The following CTNNA3 variants were observed in gnomAD, a reference collection of about 807,000 sequenced individuals.
The protein encoded by CTNNA3 is catenin alpha-3.
Under a neutral mutation model 95.7 loss-of-function variants are expected in CTNNA3, and 76 were observed. The observed-to-expected ratio is 0.79, with a 90% CI of 0.66 to 0.96. The LOEUF (loss-of-function observed/expected upper bound fraction) is 0.96. CTNNA3 is among the 40% of genes least tolerant of loss of function. CTNNA3 has a pLI of 0.00. For missense variants in CTNNA3, 1,191 were observed against 1,089.8 expected, an observed-to-expected ratio of 1.09 and a Z score of -1.31; for synonymous variants, 431 against 374.4, an observed-to-expected ratio of 1.15 and a Z score of -1.74.
chr10:67,335,542 C>T (rs531107014), intron 5 of CTNNA3, among the ~76,000 whole-genome samples: 1 of 152,330 alleles, frequency 6.6e-6, no homozygotes, highest in East Asian at 1.9e-4. Flanking sequence ...ACTACAACCA[C>T]TATCACTCAC....
intron 7 of CTNNA3, among the ~76,000 whole-genome samples, chr10:67,154,333 T>G (rs748587116): frequency 6.6e-5 from 10 of 152,140 alleles, no homozygotes; most frequent in Non-Finnish European, 1.3e-4. Flanking sequence ...ACCAACTCCC[T>G]AAGGACAACG....
At chr10:65,922,645 C>T (rs2077106540) in intron 17 of CTNNA3, among the ~76,000 whole-genome samples, 1 of 152,028 alleles carries the variant, frequency 6.6e-6, no homozygotes, top group Admixed American at 6.6e-5. Context: ...ATTAACCAAA[C>T]TTTTTTTTCT....
chr10:67,009,895 C>T (rs112130280), intron 7 of CTNNA3, among the ~76,000 whole-genome samples: 2,323 of 152,258 alleles, frequency 0.015, 29 homozygotes, highest in Non-Finnish European at 0.024. Context: ...GTCTCTTCTT[C>T]CTTCTTCACT....
chr10:67,184,681 C>T (rs765751636), intron 6 of CTNNA3, among the ~76,000 whole-genome samples: 4 of 152,158 alleles, frequency 2.6e-5, no homozygotes, highest in Non-Finnish European at 5.9e-5. Flanking sequence ...CATCTCATCC[C>T]TTACTAAAAT....
At chr10:66,744,985 A>G (rs747318656) in intron 9 of CTNNA3, among the ~76,000 whole-genome samples, 3 of 152,206 alleles carry the variant, frequency 2.0e-5, no homozygotes, top group Non-Finnish European at 2.9e-5. Context: ...CTACACTAAC[A>G]CAAAAGCTCT....
chr10:66,441,723 C>T (rs986369229), intron 11 of CTNNA3, among the ~76,000 whole-genome samples: 29 of 152,246 alleles, frequency 1.9e-4, no homozygotes, highest in African/African-American at 6.5e-4. Flanking sequence ...AATATAAAAA[C>T]ACTGTGTGCA....
chr10:66,173,085 C>G (rs1236712438), intron 13 of CTNNA3, among the ~76,000 whole-genome samples: 4 of 152,036 alleles, frequency 2.6e-5, no homozygotes, highest in Non-Finnish European at 4.4e-5. Flanking sequence ...TGAGGAGAAG[C>G]AAAGGGAATT....
At chr10:66,608,532 A>G (rs894238862) in intron 10 of CTNNA3, among the ~76,000 whole-genome samples, 3 of 152,174 alleles carry the variant, frequency 2.0e-5, no homozygotes, top group Non-Finnish European at 2.9e-5. Flanking sequence ...GCAACATGCT[A>G]CTAGCTTCAA....
intron 6 of CTNNA3, among the ~76,000 whole-genome samples, chr10:67,217,013 C>T (rs1384448764): frequency 6.6e-6 from 1 of 152,184 alleles, no homozygotes; most frequent in Non-Finnish European, 1.5e-5. Context: ...ATTTTCTCCA[C>T]TCATAAATTT....
At chr10:67,550,658 TAAAG>T (rs1840993227) in intron 3 of CTNNA3, among the ~76,000 whole-genome samples, 1 of 150,468 alleles carries the variant, frequency 6.6e-6, no homozygotes, top group South Asian at 2.1e-4. Flanking sequence ...TATTAAAGAA[TAAAG>T]AAATTTCTTT....
Position 66,711,365 on chromosome 10 carries a change from A to T in CTNNA3, c.1281+54899T>A, listed in dbSNP as rs545938131. Reference sequence around the variant, plus strand: ...GAAATTTTAATTGAAACATTAAAAAACAGCTATATATCATGAAATATATGA... The same window carrying T: ...GAAATTTTAATTGAAACATTAAAAATCAGCTATATATCATGAAATATATGA... On this transcript the variant is annotated intron_variant, in intron 9 of 17. Coordinates refer to ENST00000433211, the MANE Select transcript of CTNNA3 (RefSeq NM_013266.4). 7.2e-5 allele frequency among the ~76,000 whole-genome samples: 11 copies of T among 152,142 alleles called. No individual in the cohort carries two copies. The East Asian group carries it at 2.1e-3, about 29-fold the overall frequency.
chr10:66,794,124 G>A (rs2132213103), intron 7 of CTNNA3, among the ~76,000 whole-genome samples: 1 of 152,160 alleles, frequency 6.6e-6, no homozygotes, highest in South Asian at 2.1e-4. Flanking sequence ...CTAGGGCATG[G>A]TTTAGACAGA....
chr10:66,696,450 A>G (rs1847767213), intron 9 of CTNNA3, among the ~76,000 whole-genome samples: 2 of 152,206 alleles, frequency 1.3e-5, no homozygotes, highest in South Asian at 4.1e-4. Context: ...CTCTTGGTAC[A>G]TAATAATGTA....
chr10:67,018,298 T>C (rs1429654669), intron 7 of CTNNA3, among the ~76,000 whole-genome samples: 1 of 152,204 alleles, frequency 6.6e-6, no homozygotes, highest in Non-Finnish European at 1.5e-5. Context: ...GGTAGTTTAC[T>C]CTTCGCTTTC....
At chr10:67,539,938 A>G (rs1024282638) in intron 3 of CTNNA3, among the ~76,000 whole-genome samples, 28 of 152,272 alleles carry the variant, frequency 1.8e-4, no homozygotes, top group African/African-American at 5.5e-4. Context: ...ATTGCTGCCA[A>G]CTTCTGCATT....
intron 13 of CTNNA3, among the ~76,000 whole-genome samples, chr10:66,215,451 T>C (rs12266451): frequency 6.6e-6 from 1 of 152,208 alleles, no homozygotes; most frequent in East Asian, 1.9e-4. Context: ...TACCCACTTC[T>C]GGTATCACTG....
chr10:66,055,900 C>T lies in CTNNA3; in HGVS notation c.2159+13408G>A, dbSNP rs371192035. ...TCACACCACTGCACTCCAGCCTGGG[C>T]GACAGAGCGAGACTCCATCTCAAAA... On this transcript the variant is annotated intron_variant, in intron 15 of 17. Transcript: ENST00000433211. Among the ~76,000 whole-genome samples the T allele has an allele frequency of 2.5e-3, 306 of 120,778 alleles. 2 individuals are homozygous for T. Among genetic ancestry groups the T allele is most frequent in the Admixed American group, 5.3e-3 (47 of 8,854 alleles). 79.2% of individuals were successfully genotyped at this position (120,778 alleles called of 152,430 possible).
At chr10:66,295,197 T>C (rs1308425980) in intron 12 of CTNNA3, among the ~76,000 whole-genome samples, 1 of 152,184 alleles carries the variant, frequency 6.6e-6, no homozygotes, top group Non-Finnish European at 1.5e-5. Context: ...GACATTATTA[T>C]TACATTGTAA....
At chr10:66,192,038 A>G (rs1030530061) in intron 13 of CTNNA3, among the ~76,000 whole-genome samples, 2 of 152,168 alleles carry the variant, frequency 1.3e-5, no homozygotes, top group African/African-American at 4.8e-5. Flanking sequence ...TCACCAGATG[A>G]CAGCCTCTTG....
Sources: allele counts gnomAD v4.1 joint callset (sites outside exome capture counted in the v4.1 genomes callset), GRCh38; gene constraint gnomAD v4.1.1; transcripts MANE v1.5; gene names NCBI Gene and HGNC (gene_info 2026-07-23, HGNC 2026-07-21).